Variants in HHIPL1 observed in about 807,000 individuals in gnomAD.
The protein encoded by HHIPL1 is HHIP-like protein 1.
HHIPL1 carries 43 observed loss-of-function variants against 61.8 expected under a neutral mutation model. The ratio of observed to expected loss-of-function variants is 0.70; its 90% CI spans 0.55 to 0.90. The LOEUF (loss-of-function observed/expected upper bound fraction) is 0.90, where lower values mean the gene tolerates loss of function less well. Among genes scored for constraint, HHIPL1 ranks in the 40% least tolerant of loss-of-function variants. The pLI is 0.00. For synonymous variants in HHIPL1, 482 were observed against 515.8 expected (o/e 0.93, Z 0.89); for missense variants, 1,056 against 1,157.7 (o/e 0.91, Z 1.28).
the HHIPL1 span, among the ~76,000 whole-genome samples, chr14:99,621,779 G>A: frequency 2.6e-4 from 35 of 133,102 alleles, no homozygotes; most frequent in South Asian, 1.7e-3. Context: ...GCAGTGATGC[G>A]ATCTTGGCTC....
the HHIPL1 span, among the ~76,000 whole-genome samples, chr14:99,607,050 C>CTTTTTTT: frequency 4.0e-5 from 1 of 24,710 alleles, no homozygotes; most frequent in African/African-American, 1.3e-4. Context: ...TTTTTTTTGG[C>CTTTTTTT]TAAGACAGGG....
intron 2 of HHIPL1, among the ~76,000 whole-genome samples, chr14:99,656,674 G>T (rs1349225989): frequency 6.6e-6 from 1 of 151,556 alleles, no homozygotes; most frequent in Non-Finnish European, 1.5e-5. Flanking sequence ...TACTCAGGAG[G>T]CTGAGGCTGG....
At chr14:99,672,713 G>A (rs546936348) in intron 8 of HHIPL1, among the ~76,000 whole-genome samples, 3 of 152,332 alleles carry the variant, frequency 2.0e-5, no homozygotes, top group African/African-American at 7.2e-5. Flanking sequence ...AAGGGAGACC[G>A]GAAGAGTTGT....
At chr14:99,604,786 CG>C in the HHIPL1 span, among the ~76,000 whole-genome samples, 2 of 152,180 alleles carry the variant, frequency 1.3e-5, no homozygotes, top group African/African-American at 4.8e-5. Flanking sequence ...TTCTCCCTCC[CG>C]GGGGCACCAG....
At chr14:99,659,170 A>C (rs1222126001) in intron 3 of HHIPL1, among the ~76,000 whole-genome samples, 1 of 152,228 alleles carries the variant, frequency 6.6e-6, no homozygotes, top group African/African-American at 2.4e-5. Flanking sequence ...GACAAGACGA[A>C]ATAGATGATG....
chr14:99,628,560 A>C, the HHIPL1 span, among the ~76,000 whole-genome samples: 3 of 151,176 alleles, frequency 2.0e-5, no homozygotes, highest in African/African-American at 7.3e-5. Context: ...GAGCCTGGGC[A>C]ACAAGAGTGA....
chr14:99,659,835 T>G (rs1370205943), intron 4 of HHIPL1, 79 bp downstream of exon 4: 76 of 395,834 alleles, frequency 1.9e-4, no homozygotes, highest in Middle Eastern at 1.3e-3. Flanking sequence ...AGGGCCTCCC[T>G]CGGAGACCGC....
chr14:99,615,479 A>G, the HHIPL1 span, among the ~76,000 whole-genome samples: 1 of 152,050 alleles, frequency 6.6e-6, no homozygotes, highest in Non-Finnish European at 1.5e-5. Flanking sequence ...GGGAGGTTGA[A>G]ACTGCAATGA....
intron 7 of HHIPL1, 61 bp from the exon 8 acceptor site, chr14:99,672,256 A>G: frequency 7.3e-7 from 1 of 1,375,566 alleles, no homozygotes; most frequent in Non-Finnish European, 1.0e-6. Context: ...CTGTAGAGAA[A>G]AGGCACCCTC....
the HHIPL1 span, among the ~76,000 whole-genome samples, chr14:99,624,221 C>T: frequency 6.6e-6 from 1 of 152,210 alleles, no homozygotes; most frequent in Non-Finnish European, 1.5e-5. Flanking sequence ...TCTTCCCTGG[C>T]TGTGGCTCCC....
chr14:99,637,195 AG>A, the HHIPL1 span, among the ~76,000 whole-genome samples: 84 of 101,074 alleles, frequency 8.3e-4, 4 homozygotes, highest in South Asian at 2.6e-3. Context: ...AATGGAAGAA[AG>A]AAAGGAAGAA....
the HHIPL1 span, among the ~76,000 whole-genome samples, chr14:99,634,223 C>T: frequency 6.6e-6 from 1 of 152,012 alleles, no homozygotes; most frequent in Non-Finnish European, 1.5e-5. Flanking sequence ...CAAGTGTGTG[C>T]ACTTCTATTG....
the HHIPL1 span, among the ~76,000 whole-genome samples, chr14:99,628,617 AAAC>A: frequency 1.3e-5 from 2 of 152,030 alleles, no homozygotes; most frequent in Non-Finnish European, 2.9e-5. Flanking sequence ...AAAAAAAAGA[AAAC>A]AACACCAACA....
rs776689209 is a variant in HHIPL1 at position 99,659,501 on chromosome 14, C to T, written c.1120C>T (p.Pro374Ser). ...KERGLPYGIP[P>S]DNPFVGDPAA... Reference sequence around the variant, plus strand: ...GCGCGGCCTGCCCTACGGCATCCCGCCCGACAACCCGTTCGTGGGCGACCC... The same window carrying T: ...GCGCGGCCTGCCCTACGGCATCCCGTCCGACAACCCGTTCGTGGGCGACCC... Residue 374 changes from proline (P) to serine (S), a missense_variant, in exon 4 of 9, where the codon CCC becomes TCC. Physicochemically the swap from Pro to Ser is moderately conservative, Grantham distance 74 (BLOSUM62 -1). Transcript: ENST00000330710. 16 of 1,540,688 alleles carry T rather than the reference C, an allele frequency of 1.0e-5. 2 individuals are homozygous for T. In the South Asian group the frequency reaches 1.2e-4, roughly 12 times the overall value.
At position 99,660,266 on chromosome 14, in the gene HHIPL1, C is replaced by G. The variant is rs1348321134; in HGVS notation, c.1376-14C>G. 1.9e-6 allele frequency: 3 copies of G among 1,614,016 alleles called. No individual in the cohort carries two copies. The highest frequency in any genetic ancestry group is 4.5e-5 in the East Asian group (2 of 44,856). On this transcript the variant is annotated splice_polypyrimidine_tract_variant and intron_variant, in intron 4 of 8. Transcript: ENST00000330710. The surrounding 1 kb of genome is among the most constrained non-coding windows in gnomAD (Gnocchi z 4.9). ...CGCTGGCTCACCGAAGCTTCTCTCC[C>G]TCCCACCCCGCAGATGACTTGCTGC...
chr14:99,627,593 A>C, the HHIPL1 span, among the ~76,000 whole-genome samples: 1 of 152,182 alleles, frequency 6.6e-6, no homozygotes, highest in Non-Finnish European at 1.5e-5. This position sits in a 1 kb window ranked among gnomAD's most constrained non-coding sequence, Gnocchi z 4.4. Context: ...GCATTGTTTC[A>C]GTGGAGGATG....
At chr14:99,637,352 A>G in the HHIPL1 span, among the ~76,000 whole-genome samples, 2 of 152,182 alleles carry the variant, frequency 1.3e-5, no homozygotes, top group Non-Finnish European at 2.9e-5. Flanking sequence ...ACTTGAGGTC[A>G]GGAGTTTGAA....
At chr14:99,672,259 G>A (rs567283702) in intron 7 of HHIPL1, 58 bp from the exon 8 acceptor site, 42 of 1,397,348 alleles carry the variant, frequency 3.0e-5, no homozygotes, top group African/African-American at 1.9e-4. Context: ...TAGAGAAAAG[G>A]CACCCTCAGG....
At chr14:99,633,707 C>T in the HHIPL1 span, among the ~76,000 whole-genome samples, 6 of 152,258 alleles carry the variant, frequency 3.9e-5, no homozygotes, top group Admixed American at 1.3e-4. Context: ...ACCCCGCCCT[C>T]CCTTACAGGG....
Sources: allele counts gnomAD v4.1 joint callset (sites outside exome capture counted in the v4.1 genomes callset), GRCh38; gene constraint gnomAD v4.1.1; non-coding constraint Gnocchi (gnomAD v3.1); transcripts MANE v1.5; gene names NCBI Gene and HGNC (gene_info 2026-07-23, HGNC 2026-07-21).